CATSPERT: variants seen among roughly 807,000 people sequenced by gnomAD.
The protein encoded by CATSPERT is catsper channel auxiliary subunit tau.
chr2:201,575,050 A>AAAG, the CATSPERT span, among the ~76,000 whole-genome samples: 775 of 104,614 alleles, frequency 7.4e-3, 6 homozygotes, highest in African/African-American at 0.021. Flanking sequence ...AAAAAAAAAA[A>AAAG]AAGAAGAAGA....
chr2:201,549,000 A>G, the CATSPERT span, among the ~76,000 whole-genome samples: 2 of 152,154 alleles, frequency 1.3e-5, no homozygotes, highest in South Asian at 4.2e-4. Context: ...ATTCCATTAT[A>G]CTACACACAC....
the CATSPERT span, chr2:201,572,145 T>C: frequency 1.7e-6 from 1 of 586,994 alleles, no homozygotes; most frequent in Non-Finnish European, 2.9e-6. Flanking sequence ...AGGCCTTAAA[T>C]GAGACATGTA....
the CATSPERT span, among the ~76,000 whole-genome samples, chr2:201,517,331 C>CT: frequency 6.6e-6 from 1 of 152,158 alleles, no homozygotes; most frequent in Non-Finnish European, 1.5e-5. Flanking sequence ...TCCCCAACCC[C>CT]TGCCTCATAC....
At chr2:201,613,802 A>C in the CATSPERT span, among the ~76,000 whole-genome samples, 1 of 152,182 alleles carries the variant, frequency 6.6e-6, no homozygotes, top group Non-Finnish European at 1.5e-5. Context: ...AAGAAGCTAA[A>C]AACCTTGAAA....
the CATSPERT span, among the ~76,000 whole-genome samples, chr2:201,497,279 G>C: frequency 6.6e-6 from 1 of 152,060 alleles, no homozygotes; most frequent in African/African-American, 2.4e-5. Context: ...TGCCAGTATC[G>C]TTCCTCTCCT....
chr2:201,535,019 G>T, the CATSPERT span: 1 of 584,160 alleles, frequency 1.7e-6, no homozygotes, highest in Non-Finnish European at 2.2e-6. Flanking sequence ...AAATCTAGCA[G>T]TAGAATTATA....
At chr2:201,578,424 T>C in the CATSPERT span, among the ~76,000 whole-genome samples, 1 of 152,144 alleles carries the variant, frequency 6.6e-6, no homozygotes, top group Non-Finnish European at 1.5e-5. Flanking sequence ...CATGTTATAA[T>C]TTTTACTTTA....
the CATSPERT span, among the ~76,000 whole-genome samples, chr2:201,610,072 C>T: frequency 1.3e-5 from 2 of 152,068 alleles, no homozygotes; most frequent in Non-Finnish European, 2.9e-5. Context: ...GGATAAATTC[C>T]TAGACAAATA....
chr2:201,563,447 C>T, the CATSPERT span, among the ~76,000 whole-genome samples: 1 of 32,706 alleles, frequency 3.1e-5, no homozygotes, highest in Non-Finnish European at 6.0e-5. Context: ...CCGGACGGGG[C>T]GGCTGGCCGG....
chr2:201,593,020 C>A, the CATSPERT span, among the ~76,000 whole-genome samples: 2 of 152,002 alleles, frequency 1.3e-5, no homozygotes, highest in African/African-American at 2.4e-5. Context: ...TTGCCTTCTG[C>A]TAGCTTTTGA....
chr2:201,519,849 T>C, the CATSPERT span, among the ~76,000 whole-genome samples: 1 of 152,128 alleles, frequency 6.6e-6, no homozygotes, highest in East Asian at 1.9e-4. Context: ...TGAATATAAA[T>C]GAATTAAATG....
chr2:201,519,754 G>A, the CATSPERT span, among the ~76,000 whole-genome samples: 312 of 152,042 alleles, frequency 2.1e-3, 1 homozygote, highest in Non-Finnish European at 3.2e-3. Flanking sequence ...AGACCAAGCA[G>A]AATAAAAAAT....
the CATSPERT span, among the ~76,000 whole-genome samples, chr2:201,561,677 G>A: frequency 6.6e-6 from 1 of 152,098 alleles, no homozygotes; most frequent in African/African-American, 2.4e-5. Context: ...TTCGAGACCA[G>A]CCTGACCAAC....
the CATSPERT span, among the ~76,000 whole-genome samples, chr2:201,616,786 C>T: frequency 6.6e-6 from 1 of 152,202 alleles, no homozygotes; most frequent in African/African-American, 2.4e-5. Context: ...TTGCAGATGA[C>T]ATGTTTGTAT....
At chr2:201,610,649 G>T in the CATSPERT span, among the ~76,000 whole-genome samples, 1 of 151,864 alleles carries the variant, frequency 6.6e-6, no homozygotes, top group Non-Finnish European at 1.5e-5. Flanking sequence ...ACCAGACAAG[G>T]ATACAACAAC....
At chr2:201,584,152 T>C in the CATSPERT span, among the ~76,000 whole-genome samples, 1 of 152,026 alleles carries the variant, frequency 6.6e-6, no homozygotes, top group African/African-American at 2.4e-5. Context: ...TAGCCAAGCA[T>C]GGTAGTGCAC....
the CATSPERT span, among the ~76,000 whole-genome samples, chr2:201,530,715 G>A: frequency 2.6e-4 from 40 of 152,208 alleles, no homozygotes; most frequent in African/African-American, 8.9e-4. Context: ...GACCCTACAG[G>A]CTTTTAAACT....
At chr2:201,613,694 G>A in the CATSPERT span, among the ~76,000 whole-genome samples, 1 of 152,210 alleles carries the variant, frequency 6.6e-6, no homozygotes, top group African/African-American at 2.4e-5. Context: ...AACAAAGCTG[G>A]ACAGAGAATG....
At chr2:201,563,352 TGGCCGGGCGGGG>T in the CATSPERT span, among the ~76,000 whole-genome samples, 1 of 128,788 alleles carries the variant, frequency 7.8e-6, no homozygotes, top group Non-Finnish European at 1.6e-5. Flanking sequence ...ACTGGGCGGC[TGGCCGGGCGGGG>T]GGCTTGACCC....
Sources: allele counts gnomAD v4.1 joint callset (sites outside exome capture counted in the v4.1 genomes callset), GRCh38; gene constraint gnomAD v4.1.1; transcripts MANE v1.5; gene names NCBI Gene and HGNC (gene_info 2026-07-23, HGNC 2026-07-21).